SLC10A7: variants seen among roughly 807,000 people sequenced by gnomAD.
The protein encoded by SLC10A7 is solute carrier family 10 member 7, also known as sodium/bile acid cotransporter 7.
A neutral mutation model predicts 43.2 loss-of-function variants in SLC10A7; 29 were observed. That is an observed-to-expected ratio of 0.67 (90% confidence interval 0.50 to 0.92). The LOEUF is 0.92. Ranked by LOEUF, SLC10A7 falls within the 40% of genes least tolerant of loss-of-function variation. The pLI is 0.00. For synonymous variants in SLC10A7, 152 were observed against 144.8 expected (o/e 1.05, Z -0.35); for missense variants, 295 against 403.2 (o/e 0.73, Z 2.30).
At chr4:146,356,250 C>A (rs1015692786) in intron 5 of SLC10A7, among the ~76,000 whole-genome samples, 1 of 151,940 alleles carries the variant, frequency 6.6e-6, no homozygotes, top group Admixed American at 6.6e-5. Flanking sequence ...ACATTTATTA[C>A]GCACATGAAA....
chr4:146,320,768 G>C (rs888491705), intron 6 of SLC10A7, among the ~76,000 whole-genome samples: 84 of 152,170 alleles, frequency 5.5e-4, no homozygotes, highest in African/African-American at 2.0e-3. Context: ...GTGGCCTGGG[G>C]TTCTATTGAT....
At chr4:146,419,175 T>C (rs1482148933) in intron 5 of SLC10A7, among the ~76,000 whole-genome samples, 1 of 152,170 alleles carries the variant, frequency 6.6e-6, no homozygotes, top group Non-Finnish European at 1.5e-5. Flanking sequence ...ATTGATTATG[T>C]CATTGGCCAT....
At chr4:146,341,629 C>G (rs547699222) in intron 5 of SLC10A7, among the ~76,000 whole-genome samples, 1 of 151,852 alleles carries the variant, frequency 6.6e-6, no homozygotes, top group East Asian at 1.9e-4. Context: ...TGCTAATTTA[C>G]TGAGCACTTA....
chr4:146,364,493 T>A (rs1194942683), intron 5 of SLC10A7, among the ~76,000 whole-genome samples: 1 of 152,050 alleles, frequency 6.6e-6, no homozygotes, highest in Admixed American at 6.6e-5. Context: ...TGGATAGAAA[T>A]GGAAGACATT....
chr4:146,464,226 T>C (rs1732805581), intron 4 of SLC10A7, among the ~76,000 whole-genome samples: 1 of 152,080 alleles, frequency 6.6e-6, no homozygotes, highest in Non-Finnish European at 1.5e-5. Context: ...ATAAGAAGAA[T>C]GTTGTAGAAC....
At chr4:146,336,106 T>C (rs958543216) in intron 5 of SLC10A7, among the ~76,000 whole-genome samples, 12 of 152,100 alleles carry the variant, frequency 7.9e-5, no homozygotes, top group African/African-American at 2.7e-4. Context: ...ACTTTTTCTG[T>C]GTAAGGCCAA....
intron 10 of SLC10A7, among the ~76,000 whole-genome samples, chr4:146,281,546 T>C (rs1360645334): frequency 6.6e-6 from 1 of 152,128 alleles, no homozygotes; most frequent in African/African-American, 2.4e-5. Context: ...ATTCGATCCC[T>C]GCACTCTGTG....
intron 5 of SLC10A7, among the ~76,000 whole-genome samples, chr4:146,440,640 A>G (rs866505126): frequency 9.6e-4 from 146 of 152,216 alleles, no homozygotes; most frequent in African/African-American, 3.3e-3. Context: ...CACATGTTTC[A>G]TAATCCTAGG....
intron 9 of SLC10A7, among the ~76,000 whole-genome samples, chr4:146,291,217 G>A (rs1305860239): frequency 6.6e-6 from 1 of 152,186 alleles, no homozygotes; most frequent in African/African-American, 2.4e-5. Flanking sequence ...TCTTTTCTAA[G>A]GTGATATAAC....
intron 5 of SLC10A7, among the ~76,000 whole-genome samples, chr4:146,399,942 A>T (rs1286745073): frequency 6.6e-6 from 1 of 152,176 alleles, no homozygotes; most frequent in Non-Finnish European, 1.5e-5. Flanking sequence ...TTTTGATGTT[A>T]CATCAAACCA....
intron 5 of SLC10A7, among the ~76,000 whole-genome samples, chr4:146,391,284 C>T (rs369607018): frequency 9.2e-5 from 14 of 152,240 alleles, no homozygotes; most frequent in African/African-American, 2.6e-4. Context: ...CAAATGTGAA[C>T]ACTGCAAATG....
At chr4:146,452,206 T>C (rs1731662702) in intron 4 of SLC10A7, among the ~76,000 whole-genome samples, 1 of 152,098 alleles carries the variant, frequency 6.6e-6, no homozygotes, top group Non-Finnish European at 1.5e-5. Flanking sequence ...CTATTGCATA[T>C]GACATCATTG....
intron 5 of SLC10A7, among the ~76,000 whole-genome samples, chr4:146,390,817 C>T (rs539853713): frequency 2.0e-5 from 3 of 151,988 alleles, no homozygotes; most frequent in East Asian, 3.9e-4. Context: ...ATTGTAAGTA[C>T]TTCTTGCTTT....
chr4:146,463,457 T>C (rs1732717491), intron 4 of SLC10A7, among the ~76,000 whole-genome samples: 1 of 152,156 alleles, frequency 6.6e-6, no homozygotes, highest in Non-Finnish European at 1.5e-5. Context: ...TAAAAATTTA[T>C]CTCAGAAAAT....
intron 10 of SLC10A7, among the ~76,000 whole-genome samples, chr4:146,280,840 G>A (rs1440743838): frequency 2.6e-5 from 4 of 152,144 alleles, no homozygotes; most frequent in African/African-American, 9.7e-5. Context: ...ATCAAGGGAT[G>A]ACAGAATATT....
chr4:146,481,493 C>A, intron 4 of SLC10A7, among the ~76,000 whole-genome samples: 1 of 152,186 alleles, frequency 6.6e-6, no homozygotes, highest in Non-Finnish European at 1.5e-5. Flanking sequence ...CCTCATCCCC[C>A]AGAGCCTGAG....
At chr4:146,387,368 C>G (rs566936672) in intron 5 of SLC10A7, among the ~76,000 whole-genome samples, 20 of 152,100 alleles carry the variant, frequency 1.3e-4, no homozygotes, top group Non-Finnish European at 2.8e-4. Context: ...AAACAAAAAC[C>G]ATATGATCAT....
At chr4:146,431,178 T>C (rs761906307) in intron 5 of SLC10A7, among the ~76,000 whole-genome samples, 2 of 152,130 alleles carry the variant, frequency 1.3e-5, no homozygotes, top group Non-Finnish European at 2.9e-5. Flanking sequence ...TATCCTAAGA[T>C]AGAAAAGCAA....
At chr4:146,391,761 T>C (rs749160368) in intron 5 of SLC10A7, among the ~76,000 whole-genome samples, 2 of 152,218 alleles carry the variant, frequency 1.3e-5, no homozygotes, top group African/African-American at 4.8e-5. Flanking sequence ...CAAGGTATAC[T>C]GCACTGAGAA....
Sources: gnomAD v4.1 joint callset for allele counts (sites outside exome capture counted in the v4.1 genomes callset) on GRCh38, gnomAD v4.1.1 for gene constraint, MANE v1.5 for transcripts, NCBI Gene and HGNC (gene_info 2026-07-23, HGNC 2026-07-21) for gene names.